Variants in NKAIN2 observed in about 807,000 individuals in gnomAD.
NKAIN2 encodes the protein sodium/potassium-transporting ATPase subunit beta-1-interacting protein 2.
Under a neutral mutation model 32.6 loss-of-function variants are expected in NKAIN2, and 14 were observed. That is an observed-to-expected ratio of 0.43 (90% CI 0.28 to 0.67). The LOEUF is 0.67. Ranked by LOEUF, NKAIN2 falls within the 30% of genes least tolerant of loss-of-function variation. The probability of loss-of-function intolerance (pLI) is 0.17; values close to 1 mark genes in which losing one functional copy is unlikely to be tolerated. For synonymous variants in NKAIN2, 80 were observed against 87.2 expected (o/e 0.92, Z 0.46); for missense variants, 198 against 258.3 (o/e 0.77, Z 1.60).
chr6:124,063,288 C>A (rs1429573624), intron 1 of NKAIN2, among the ~76,000 whole-genome samples: 1 of 152,010 alleles, frequency 6.6e-6, no homozygotes, highest in Non-Finnish European at 1.5e-5. Flanking sequence ...TGAGATGTAA[C>A]TGGCCCAAGG....
rs151321194 is a variant in NKAIN2 at position 124,147,884 on chromosome 6, G to A, written c.55-135121G>A. On this transcript the variant is annotated intron_variant, in intron 1 of 6. Coordinates refer to ENST00000368417, the MANE Select transcript of NKAIN2 (RefSeq NM_001040214.3). ...AGCTTTGTTTCTTTTTTATATAAAG[G>A]GCCAGGACCATGGATATTTAGAGTA... 6.6e-5 allele frequency among the ~76,000 whole-genome samples: 10 copies of A among 151,994 alleles called. 1 individual carries two copies. The East Asian group carries it at 1.9e-3, about 29-fold the overall frequency.
At chr6:123,940,678 A>C (rs1776773527) in intron 1 of NKAIN2, among the ~76,000 whole-genome samples, 1 of 152,050 alleles carries the variant, frequency 6.6e-6, no homozygotes, top group South Asian at 2.1e-4. Context: ...TAAAAGATTT[A>C]AAATGGTACA....
chr6:124,158,839 G>T (rs914798266), intron 1 of NKAIN2, among the ~76,000 whole-genome samples: 1 of 151,966 alleles, frequency 6.6e-6, no homozygotes, highest in African/African-American at 2.4e-5. Context: ...AATTGTAGGA[G>T]CTTTTCTTAT....
chr6:124,493,834 T>C (rs1475354006), intron 3 of NKAIN2, among the ~76,000 whole-genome samples: 1 of 150,594 alleles, frequency 6.6e-6, no homozygotes, highest in Non-Finnish European at 1.5e-5. Context: ...CCACAACTCA[T>C]GACTGGTTGA....
chr6:123,979,712 T>C (rs920601462), intron 1 of NKAIN2, among the ~76,000 whole-genome samples: 4 of 152,228 alleles, frequency 2.6e-5, no homozygotes, highest in African/African-American at 9.6e-5. Context: ...AATTGCCTCA[T>C]GCCTTTTAGA....
intron 1 of NKAIN2, among the ~76,000 whole-genome samples, chr6:124,207,255 G>A (rs1193795012): frequency 6.6e-6 from 1 of 151,356 alleles, no homozygotes; most frequent in East Asian, 1.9e-4. Context: ...TCATACCACT[G>A]TACTCCAGCC....
chr6:124,765,562 CAA>C (rs1002024559), intron 4 of NKAIN2, among the ~76,000 whole-genome samples: 2 of 152,156 alleles, frequency 1.3e-5, no homozygotes, highest in African/African-American at 4.8e-5. Flanking sequence ...TTATTCCTGC[CAA>C]AGAGGCTCAG....
chr6:124,401,640 A>G (rs1181767484), intron 3 of NKAIN2, among the ~76,000 whole-genome samples: 1 of 152,016 alleles, frequency 6.6e-6, no homozygotes, highest in Non-Finnish European at 1.5e-5. Flanking sequence ...ATGTTGTGTA[A>G]TTTCCTTGTG....
At chr6:124,273,325 G>A (rs1794885513) in intron 1 of NKAIN2, among the ~76,000 whole-genome samples, 1 of 152,160 alleles carries the variant, frequency 6.6e-6, no homozygotes, top group Non-Finnish European at 1.5e-5. Flanking sequence ...CACAAGACCT[G>A]ATGGTTTTAT....
intron 1 of NKAIN2, among the ~76,000 whole-genome samples, chr6:124,226,855 C>A (rs1792139150): frequency 6.6e-6 from 1 of 151,954 alleles, no homozygotes; most frequent in Non-Finnish European, 1.5e-5. Flanking sequence ...ATTTATTGTT[C>A]ATTACTTATG....
chr6:124,363,132 G>T (rs904590092), intron 3 of NKAIN2, among the ~76,000 whole-genome samples: 2 of 152,138 alleles, frequency 1.3e-5, no homozygotes, highest in African/African-American at 4.8e-5. Context: ...ACCACGCTCA[G>T]CCAGAATTTT....
intron 2 of NKAIN2, among the ~76,000 whole-genome samples, chr6:124,345,204 G>A (rs1583087282): frequency 6.6e-6 from 1 of 152,078 alleles, no homozygotes; most frequent in South Asian, 2.1e-4. Context: ...TGGTGGACAA[G>A]CTTTTTGATG....
intron 3 of NKAIN2, among the ~76,000 whole-genome samples, chr6:124,625,505 C>T (rs1372466579): frequency 6.6e-6 from 1 of 151,896 alleles, no homozygotes; most frequent in Non-Finnish European, 1.5e-5. Flanking sequence ...AAGTCAGTTG[C>T]TTAAAATGAG....
chr6:124,476,189 A>G (rs1035847462), intron 3 of NKAIN2, among the ~76,000 whole-genome samples: 5 of 152,006 alleles, frequency 3.3e-5, no homozygotes, highest in Non-Finnish European at 7.4e-5. Flanking sequence ...TTGGCAAAAT[A>G]TGGAAATCGT....
chr6:124,749,920 C>G (rs1777633240), intron 4 of NKAIN2, among the ~76,000 whole-genome samples: 1 of 151,702 alleles, frequency 6.6e-6, no homozygotes. Flanking sequence ...TTATGCTTAT[C>G]TTTGCACATG....
At chr6:124,011,432 A>C (rs1780321350) in intron 1 of NKAIN2, among the ~76,000 whole-genome samples, 1 of 151,624 alleles carries the variant, frequency 6.6e-6, no homozygotes, top group South Asian at 2.1e-4. Context: ...CGCATTTCCA[A>C]CTGTTAGTCT....
intron 3 of NKAIN2, among the ~76,000 whole-genome samples, chr6:124,471,416 G>C: frequency 6.6e-6 from 1 of 151,866 alleles, no homozygotes; most frequent in East Asian, 1.9e-4. Flanking sequence ...TTACCATTTT[G>C]CTTTTGGGAT....
intron 3 of NKAIN2, among the ~76,000 whole-genome samples, chr6:124,447,461 G>C (rs1169440019): frequency 1.3e-5 from 2 of 152,110 alleles, no homozygotes; most frequent in African/African-American, 4.8e-5. Flanking sequence ...CAGGAGGTTG[G>C]CTATGATGAA....
chr6:124,550,711 G>A (rs1331466922), intron 3 of NKAIN2, among the ~76,000 whole-genome samples: 1 of 152,182 alleles, frequency 6.6e-6, no homozygotes, highest in Non-Finnish European at 1.5e-5. Flanking sequence ...TATTGAGAAG[G>A]AAGTGGTAAT....
Sources: gnomAD v4.1 joint callset for allele counts (sites outside exome capture counted in the v4.1 genomes callset) on GRCh38, gnomAD v4.1.1 for gene constraint, MANE v1.5 for transcripts, NCBI Gene and HGNC (gene_info 2026-07-23, HGNC 2026-07-21) for gene names.